Variants in GRIA3 observed in about 807,000 individuals in gnomAD.
GRIA3 encodes the protein glutamate ionotropic receptor AMPA type subunit 3.
In GRIA3, 3 loss-of-function variants were observed where a neutral mutation model predicts 63.0. That is an observed-to-expected ratio of 0.05 (90% CI 0.02 to 0.12). The LOEUF (loss-of-function observed/expected upper bound fraction) is 0.12. Ranked by LOEUF, GRIA3 falls within the 10% of genes least tolerant of loss-of-function variation. GRIA3 has a pLI of 1.00. For synonymous variants in GRIA3, 274 were observed against 257.9 expected (o/e 1.06, Z -0.60); for missense variants, 347 against 700.9 (o/e 0.50, Z 5.70).
intron 13 of GRIA3, among the ~76,000 whole-genome samples, chrX:123,474,253 G>C (rs185955179): frequency 3.7e-4 from 41 of 112,104 alleles, no homozygotes; most frequent in Non-Finnish European, 1.9e-5. Context: ...CTTTGTTCAT[G>C]ATAAGGAATC....
At chrX:123,277,502 G>C (rs1478008555) in intron 3 of GRIA3, among the ~76,000 whole-genome samples, 1 of 111,065 alleles carries the variant, frequency 9.0e-6, no homozygotes, top group African/African-American at 3.3e-5. Context: ...CGTGATGTAG[G>C]AAGGACACAA....
chrX:123,446,251 A>G (rs755750205), intron 12 of GRIA3, among the ~76,000 whole-genome samples: 18 of 112,485 alleles, frequency 1.6e-4, no homozygotes, highest in South Asian at 3.7e-4. Context: ...AACGTTATTA[A>G]TATTGCATTA....
At position 123,326,123 on chromosome X, in the gene GRIA3, C is replaced by T; in HGVS notation, c.606C>T (p.Phe202=). 1 of 1,207,828 alleles carries T rather than the reference C, an allele frequency of 8.3e-7. No homozygotes were observed. The highest frequency in any genetic ancestry group is 1.1e-6 in the Non-Finnish European group (1 of 892,123). The part of the protein sequence containing the change: ...SVGNIKDVQE[F]RRIIEEMDRR... ...GAAACATAAAGGACGTCCAAGAATT[C>T]AGGCGCATCATTGAAGAAATGGACA... Residue 202 remains phenylalanine (F), a synonymous_variant, in exon 4 of 16, where the codon TTC becomes TTT. Coordinates refer to ENST00000620443, the MANE Select transcript of GRIA3 (RefSeq NM_007325.5).
chrX:123,226,494 T>C (rs2044247818), intron 2 of GRIA3, among the ~76,000 whole-genome samples: 2 of 111,356 alleles, frequency 1.8e-5, no homozygotes, highest in Non-Finnish European at 3.8e-5. Flanking sequence ...AGAGTACAGA[T>C]GGTATAATGG....
intron 3 of GRIA3, among the ~76,000 whole-genome samples, chrX:123,294,590 T>A (rs1212455755): frequency 1.8e-5 from 2 of 110,562 alleles, no homozygotes; most frequent in African/African-American, 6.6e-5. Flanking sequence ...GCTCTAGGAT[T>A]TTATGTCCCC....
intron 3 of GRIA3, among the ~76,000 whole-genome samples, chrX:123,301,552 AATGCCC>A (rs2044723388): frequency 9.0e-6 from 1 of 111,534 alleles, no homozygotes; most frequent in Non-Finnish European, 1.9e-5. Flanking sequence ...CACTTAGAGC[AATGCCC>A]ATCACATAGT....
At position 123,409,958 on chromosome X, in the gene GRIA3, T is replaced by G. The variant is rs185901353; in HGVS notation, c.1500+5044T>G. Among the ~76,000 whole-genome samples, 692 of 111,551 alleles carry G rather than the reference T, an allele frequency of 6.2e-3. 3 individuals carry two copies. Among genetic ancestry groups the G allele is most frequent in the African/African-American group, 0.021 (647 of 30,728 alleles). ...TCAGTTCACTAAACTTGTGAGATTA[T>G]GGAAATATTGGTGTTGTATCAATCA... On this transcript the variant is annotated intron_variant, in intron 10 of 15. Transcript: ENST00000620443.
At chrX:123,317,880 C>T (rs1023162500) in intron 3 of GRIA3, among the ~76,000 whole-genome samples, 26 of 112,842 alleles carry the variant, frequency 2.3e-4, no homozygotes, top group African/African-American at 7.7e-4. Context: ...ATTTCCCTTC[C>T]GCATTGCCCT....
At chrX:123,376,454 A>G (rs1429490474) in intron 5 of GRIA3, among the ~76,000 whole-genome samples, 16 of 111,613 alleles carry the variant, frequency 1.4e-4, no homozygotes, top group Non-Finnish European at 1.9e-5. Flanking sequence ...TAAAGTTGGC[A>G]TAAGAATCTA....
intron 5 of GRIA3, among the ~76,000 whole-genome samples, chrX:123,376,285 A>G (rs2045284231): frequency 8.9e-6 from 1 of 112,379 alleles, no homozygotes; most frequent in African/African-American, 3.2e-5. Context: ...ATTTTAAAAT[A>G]GAATAGAAGC....
chrX:123,198,618 A>C (rs1332852170), intron 2 of GRIA3, among the ~76,000 whole-genome samples: 1 of 111,349 alleles, frequency 9.0e-6, no homozygotes, highest in African/African-American at 3.3e-5. Flanking sequence ...CCTTGGGCAT[A>C]AGAGGTTTGC....
intron 5 of GRIA3, among the ~76,000 whole-genome samples, chrX:123,380,864 G>A (rs1246340220): frequency 9.0e-6 from 1 of 111,272 alleles, no homozygotes; most frequent in South Asian, 3.8e-4. Context: ...TTCTACATAC[G>A]GCTGGCCAGT....
chrX:123,448,047 G>A (rs1274802948), intron 12 of GRIA3, among the ~76,000 whole-genome samples: 2 of 112,029 alleles, frequency 1.8e-5, no homozygotes, highest in African/African-American at 3.2e-5. Context: ...ATCAGGCTAC[G>A]TAGAAACTTA....
At chrX:123,274,167 TC>T (rs2044540154) in intron 3 of GRIA3, among the ~76,000 whole-genome samples, 1 of 112,734 alleles carries the variant, frequency 8.9e-6, no homozygotes, top group Non-Finnish European at 1.9e-5. Flanking sequence ...TATAAGCATG[TC>T]CTAAATATCG....
intron 2 of GRIA3, chrX:123,202,929 T>C: frequency 1.7e-6 from 1 of 580,871 alleles, no homozygotes; most frequent in Admixed American, 3.6e-5. Context: ...CAAGCCTACT[T>C]TACACAGTGG....
intron 5 of GRIA3, 133 bp downstream of exon 5, chrX:123,355,096 C>A: frequency 1.9e-6 from 1 of 538,522 alleles, no homozygotes; most frequent in Non-Finnish European, 3.4e-6. Context: ...CGGTAAATAC[C>A]AAAACCTGAA....
intron 12 of GRIA3, among the ~76,000 whole-genome samples, chrX:123,453,112 T>C (rs1010813015): frequency 8.9e-6 from 1 of 111,938 alleles, no homozygotes; most frequent in Non-Finnish European, 1.9e-5. Context: ...TGCGACACTA[T>C]TCACAATAGC....
intron 12 of GRIA3, among the ~76,000 whole-genome samples, chrX:123,453,060 T>C (rs1165730017): frequency 1.8e-5 from 2 of 112,211 alleles, no homozygotes; most frequent in East Asian, 2.8e-4. Flanking sequence ...CAAAGGATTA[T>C]AAATCATGCT....
intron 3 of GRIA3, among the ~76,000 whole-genome samples, chrX:123,310,538 C>T (rs1007570543): frequency 8.8e-6 from 1 of 113,029 alleles, no homozygotes; most frequent in Non-Finnish European, 1.9e-5. Flanking sequence ...CATCTCTTTG[C>T]TTTATGCTCC....
Sources: allele counts gnomAD v4.1 joint callset (sites outside exome capture counted in the v4.1 genomes callset), GRCh38; gene constraint gnomAD v4.1.1; transcripts MANE v1.5; gene names NCBI Gene and HGNC (gene_info 2026-07-23, HGNC 2026-07-21).